The following GOLGA5 variants were observed in gnomAD, a reference collection of about 807,000 sequenced individuals.
GOLGA5 encodes golgin subfamily A member 5.
Under a neutral mutation model 93.5 loss-of-function variants are expected in GOLGA5, and 50 were observed. The observed-to-expected ratio is 0.53, with a 90% CI of 0.43 to 0.68. The LOEUF is 0.68. Ranked by LOEUF, GOLGA5 falls within the 30% of genes least tolerant of loss-of-function variation. GOLGA5 has a pLI of 0.00. For missense variants in GOLGA5, 760 were observed against 856.4 expected, an observed-to-expected ratio of 0.89 and a Z score of 1.40; for synonymous variants, 312 against 304.5, an observed-to-expected ratio of 1.02 and a Z score of -0.26.
At chr14:92,825,431 T>C in intron 9 of GOLGA5, among the ~76,000 whole-genome samples, 1 of 152,224 alleles carries the variant, frequency 6.6e-6, no homozygotes. Flanking sequence ...GTGAAATACT[T>C]ACAGATGGTC....
In GOLGA5 at chr14:92,809,381, C is replaced by T. The variant is rs1443253273; in HGVS notation, c.854C>T (p.Ala285Val). Reference protein sequence around the residue: ...KSDRMTRGLRAQVDDLTEAVA... With the variant: ...KSDRMTRGLRVQVDDLTEAVA... Reference sequence around the variant, plus strand: ...GATCGAATGACTCGAGGACTCCGAGCCCAAGTAGATGACCTGACTGAAGCT... The same window carrying T: ...GATCGAATGACTCGAGGACTCCGAGTCCAAGTAGATGACCTGACTGAAGCT... The change falls in exon 4 of 13, where the codon GCC becomes GTC. Residue 285 changes from alanine to valine, a missense_variant. Coordinates refer to ENST00000163416, the MANE Select transcript of GOLGA5 (RefSeq NM_005113.4). The T allele has an allele frequency of 1.2e-6, 2 of 1,613,048 alleles. No individual in the cohort carries two copies. Among genetic ancestry groups the T allele is most frequent in the East Asian group, 2.2e-5 (1 of 44,870 alleles).
chr14:92,837,743 T>C (rs879591030), intron 12 of GOLGA5, among the ~76,000 whole-genome samples: 2 of 152,080 alleles, frequency 1.3e-5, no homozygotes, highest in Non-Finnish European at 2.9e-5. Flanking sequence ...TTTGTATTTT[T>C]TGTAGAGACA....
chr14:92,814,238 G>A lies in GOLGA5; in HGVS notation c.1321-2013G>A, dbSNP rs1376894223. The stretch of plus-strand genomic sequence containing the variant: ...TCTTAAACATCAGCATTTACAAATT[G>A]GGCAAAAGGATAGCCTGCAAAAGAA... On this transcript the variant is annotated intron_variant, in intron 6 of 12. Transcript: ENST00000163416. Among the ~76,000 whole-genome samples, 8 of 152,204 alleles carry A rather than the reference G, an allele frequency of 5.3e-5. No homozygotes were observed. The East Asian group carries it at 1.5e-3, about 29-fold the overall frequency.
intron 4 of GOLGA5, 56 bp from the exon 5 acceptor site, chr14:92,810,198 C>T: frequency 1.5e-6 from 2 of 1,317,452 alleles, no homozygotes; most frequent in Non-Finnish European, 2.1e-6. Context: ...ATTATTCTGC[C>T]TTATCACTTG....
rs1884767244 is a variant in GOLGA5, at chr14:92,797,739, C to T, written c.302C>T (p.Ala101Val). 1 of 1,613,338 alleles carries T rather than the reference C, an allele frequency of 6.2e-7. No homozygotes were observed. Among genetic ancestry groups the T allele is most frequent in the South Asian group, 1.1e-5 (1 of 91,052 alleles). ...GAGGCCTCTCATCCTGTTGAAAATG[C>T]ATCTGTTCCTAGGCCTTCATCCCAT... Reference protein sequence around the residue: ...PVEASHPVENASVPRPSSHFV... With the variant: ...PVEASHPVENVSVPRPSSHFV... Residue 101 changes from alanine (A) to valine (V), a missense_variant, in exon 2 of 13, where the codon GCA becomes GTA. Coordinates refer to ENST00000163416, the MANE Select transcript of GOLGA5 (RefSeq NM_005113.4).
intron 1 of GOLGA5, among the ~76,000 whole-genome samples, chr14:92,796,976 C>CAAAAAAA (rs71123379): frequency 4.1e-5 from 3 of 73,686 alleles, no homozygotes; most frequent in Non-Finnish European, 7.5e-5. Context: ...GACTCCGTCT[C>CAAAAAAA]AAAAAAAAAA....
chr14:92,823,027 G>A (rs952121673), intron 8 of GOLGA5, among the ~76,000 whole-genome samples: 2 of 152,088 alleles, frequency 1.3e-5, no homozygotes, highest in Admixed American at 6.6e-5. Flanking sequence ...TTCAGTCACC[G>A]TGTTCCTCTT....
At chr14:92,799,309 C>T (rs1157929017) in intron 2 of GOLGA5, among the ~76,000 whole-genome samples, 1 of 143,430 alleles carries the variant, frequency 7.0e-6, no homozygotes, top group Middle Eastern at 3.5e-3. Flanking sequence ...CGGAGTCTCA[C>T]TCTGTCACCC....
At chr14:92,835,945 C>CAGG in intron 11 of GOLGA5, among the ~76,000 whole-genome samples, 4 of 19,096 alleles carry the variant, frequency 2.1e-4, no homozygotes, top group African/African-American at 8.7e-4. Flanking sequence ...GACTGTATCT[C>CAGG]TTTTTTCTAT....
chr14:92,818,645 C>T (rs1885256675), intron 7 of GOLGA5, among the ~76,000 whole-genome samples: 1 of 152,184 alleles, frequency 6.6e-6, no homozygotes. Flanking sequence ...CAGAGGATTG[C>T]ACTGTGATTA....
chr14:92,806,898 A>G lies in GOLGA5; in HGVS notation c.707A>G (p.Asn236Ser), dbSNP rs1459382698. ...CGACTGGAGAATCAGCTGCTGAGGA[A>G]TGAAGTTCAGTCTTTAAATCAAGAA... ...NLRLENQLLR[N>S]EVQSLNQEMA... is the part of the protein sequence containing the mutation. The change falls in exon 3 of 13, where the codon AAT (asparagine) becomes AGT (serine). Residue 236 changes from asparagine to serine, a missense_variant. Asn to Ser is a conservative substitution (Grantham distance 46). Transcript: ENST00000163416. 1 of 1,613,948 alleles carries G rather than the reference A, an allele frequency of 6.2e-7. No homozygotes were observed. Among genetic ancestry groups the G allele is most frequent in the Non-Finnish European group, 8.5e-7 (1 of 1,179,810 alleles).
At position 92,807,076 on chromosome 14, in the gene GOLGA5, G is replaced by C. The variant is rs974404678; in HGVS notation, c.772+113G>C. On this transcript the variant is annotated intron_variant, in intron 3 of 12. Transcript: ENST00000163416. ...GCACTTTGGGAGGCCGAGGCGGGCGGATTGCCTGAGGTCAGGAGTTCAAGA... is the reference window on the plus strand; with the variant it reads ...GCACTTTGGGAGGCCGAGGCGGGCGCATTGCCTGAGGTCAGGAGTTCAAGA... 4.4e-6 allele frequency: 3 copies of C among 675,320 alleles called. No individual in the cohort carries two copies. In the African/African-American group the frequency reaches 5.4e-5, roughly 12 times the overall value. 41.8% of individuals were successfully genotyped at this position (675,320 alleles called of 1,614,324 possible).
intron 2 of GOLGA5, among the ~76,000 whole-genome samples, chr14:92,801,485 T>A (rs999438240): frequency 3.3e-5 from 5 of 152,176 alleles, no homozygotes; most frequent in African/African-American, 1.2e-4. Flanking sequence ...AGATTATTTG[T>A]CTTTTTTCTT....
intron 1 of GOLGA5, among the ~76,000 whole-genome samples, chr14:92,795,727 T>C (rs1288378917): frequency 3.0e-5 from 2 of 67,310 alleles, no homozygotes; most frequent in African/African-American, 1.5e-4. Context: ...ACAAGAAGCA[T>C]GTTAAAAAAA....
chr14:92,823,640 C>G (rs1027938661), intron 8 of GOLGA5, among the ~76,000 whole-genome samples: 1 of 151,942 alleles, frequency 6.6e-6, no homozygotes, highest in Admixed American at 6.6e-5. Flanking sequence ...GTCTTGAACT[C>G]CTGGACTCAA....
intron 1 of GOLGA5, among the ~76,000 whole-genome samples, chr14:92,796,642 T>C (rs532171981): frequency 9.9e-5 from 15 of 152,220 alleles, no homozygotes; most frequent in African/African-American, 3.4e-4. Context: ...TTTGGAGGGA[T>C]GCAGTTCAGC....
chr14:92,796,902 G>A (rs1356194877), intron 1 of GOLGA5, among the ~76,000 whole-genome samples: 2 of 110,192 alleles, frequency 1.8e-5, no homozygotes, highest in African/African-American at 3.9e-5. Flanking sequence ...CCCGGGAAGC[G>A]GAGCTTGCAG....
chr14:92,826,680 AG>A (rs1885428214), intron 9 of GOLGA5, among the ~76,000 whole-genome samples: 1 of 151,696 alleles, frequency 6.6e-6, no homozygotes, highest in Admixed American at 6.6e-5. Flanking sequence ...TCTGGGAGAC[AG>A]AGCCAGACTC....
At chr14:92,796,192 C>T (rs545053300) in intron 1 of GOLGA5, among the ~76,000 whole-genome samples, 8 of 152,250 alleles carry the variant, frequency 5.3e-5, no homozygotes, top group Non-Finnish European at 1.0e-4. Context: ...TTAACGGAAA[C>T]GTTTTTTCAA....
Sources: gnomAD v4.1 joint callset for allele counts (sites outside exome capture counted in the v4.1 genomes callset) on GRCh38, gnomAD v4.1.1 for gene constraint, MANE v1.5 for transcripts, NCBI Gene and HGNC (gene_info 2026-07-23, HGNC 2026-07-21) for gene names.